Variants in LRBA observed in about 807,000 individuals in gnomAD.
The protein encoded by LRBA is lipopolysaccharide-responsive and beige-like anchor protein.
Under a neutral mutation model 330.0 loss-of-function variants are expected in LRBA, and 176 were observed. That is an observed-to-expected ratio of 0.53 (90% confidence interval 0.47 to 0.60). LRBA has a LOEUF of 0.60. Ranked by LOEUF, LRBA falls within the 20% of genes least tolerant of loss-of-function variation. LRBA has a pLI of 0.00. For synonymous variants in LRBA, 1,230 were observed against 1,193.0 expected (o/e 1.03, Z -0.64); for missense variants, 3,259 against 3,444.8 (o/e 0.95, Z 1.35).
intron 48 of LRBA, among the ~76,000 whole-genome samples, chr4:150,344,572 A>C (rs1212791889): frequency 6.6e-6 from 1 of 152,146 alleles, no homozygotes; most frequent in East Asian, 1.9e-4. Context: ...TAAAAGTATT[A>C]TTTTTTAAAG....
chr4:150,539,442 T>C (rs1192796522), intron 40 of LRBA, among the ~76,000 whole-genome samples: 2 of 152,230 alleles, frequency 1.3e-5, no homozygotes, highest in African/African-American at 2.4e-5. Flanking sequence ...TGTGTGTTTA[T>C]ATTACTTTCC....
intron 46 of LRBA, among the ~76,000 whole-genome samples, chr4:150,416,098 G>C (rs541820982): frequency 6.6e-6 from 1 of 152,272 alleles, no homozygotes; most frequent in Non-Finnish European, 1.5e-5. Flanking sequence ...AAACGGTCAA[G>C]TTTAAAGATA....
chr4:150,377,285 A>G (rs978991594), intron 47 of LRBA, among the ~76,000 whole-genome samples: 1 of 152,222 alleles, frequency 6.6e-6, no homozygotes, highest in African/African-American at 2.4e-5. Context: ...CTACACAGAA[A>G]CTGGACCTAG....
chr4:150,527,326 G>A (rs1447290696), intron 40 of LRBA, among the ~76,000 whole-genome samples: 2 of 152,082 alleles, frequency 1.3e-5, no homozygotes, highest in African/African-American at 4.8e-5. Context: ...GCTGAACCAA[G>A]GACATAATTT....
At chr4:150,828,693 G>C in intron 29 of LRBA, 72 bp from the exon 30 acceptor site, 1 of 1,263,816 alleles carries the variant, frequency 7.9e-7, no homozygotes, top group Non-Finnish European at 1.1e-6. Flanking sequence ...GGTATATTCT[G>C]TTTTAATAGC....
intron 34 of LRBA, among the ~76,000 whole-genome samples, chr4:150,777,519 T>G (rs867781097): frequency 1.3e-5 from 2 of 152,190 alleles, no homozygotes; most frequent in Admixed American, 6.5e-5. Context: ...ATCTATGCCC[T>G]TGTAAAACGA....
chr4:150,602,440 A>G (rs1382846796), intron 37 of LRBA, among the ~76,000 whole-genome samples: 1 of 152,182 alleles, frequency 6.6e-6, no homozygotes, highest in Non-Finnish European at 1.5e-5. Context: ...ATTTAAAGTC[A>G]TTTAAATATA....
chr4:150,450,686 A>G (rs778534988), intron 44 of LRBA, among the ~76,000 whole-genome samples: 6 of 152,186 alleles, frequency 3.9e-5, no homozygotes, highest in Non-Finnish European at 8.8e-5. Flanking sequence ...TGGAAACAAA[A>G]TTCAACCCAT....
rs533428638 is a variant in LRBA at position 150,749,605 on chromosome 4, T to A, written c.5645+12178A>T. Among the ~76,000 whole-genome samples the A allele has an allele frequency of 4.2e-3, 632 of 151,246 alleles. 5 individuals are homozygous for A. The highest frequency in any genetic ancestry group is 0.014 in the African/African-American group (586 of 41,124). On this transcript the variant is annotated intron_variant, in intron 35 of 56. Coordinates refer to ENST00000651943, the MANE Select transcript of LRBA (RefSeq NM_001364905.1). The stretch of plus-strand genomic sequence containing the variant: ...TCCCTATCTCTACCCAAAAAAAAAA[T>A]AATAATAATAGCTGGGCATGGTGGC...
At chr4:150,552,734 C>A (rs1766762551) in intron 40 of LRBA, among the ~76,000 whole-genome samples, 1 of 152,110 alleles carries the variant, frequency 6.6e-6, no homozygotes, top group Non-Finnish European at 1.5e-5. Context: ...ATAGTAAAGA[C>A]TTGGAACCAA....
chr4:150,559,619 AT>A (rs1327167098), intron 40 of LRBA, among the ~76,000 whole-genome samples: 3 of 97,094 alleles, frequency 3.1e-5, no homozygotes, highest in African/African-American at 1.2e-4. Context: ...TATATATTGT[AT>A]TATTTTATAA....
At chr4:150,521,644 T>C (rs1156584246) in intron 40 of LRBA, among the ~76,000 whole-genome samples, 1 of 152,228 alleles carries the variant, frequency 6.6e-6, no homozygotes, top group Non-Finnish European at 1.5e-5. Flanking sequence ...TTTGAAATAT[T>C]TGGGATTTCC....
intron 22 of LRBA, among the ~76,000 whole-genome samples, chr4:150,858,309 T>C (rs1277692944): frequency 6.6e-6 from 1 of 151,876 alleles, no homozygotes; most frequent in Non-Finnish European, 1.5e-5. Flanking sequence ...GTGTGTTATA[T>C]ATAATGGCAC....
chr4:150,896,540 G>C (rs955399165), intron 15 of LRBA, 84 bp from the exon 16 acceptor site: 2 of 702,266 alleles, frequency 2.8e-6, no homozygotes, highest in African/African-American at 3.7e-5. Context: ...TTGTCAAGTT[G>C]GTCAGCTACT....
chr4:150,732,015 A>G (rs768166522), intron 36 of LRBA, among the ~76,000 whole-genome samples: 21 of 152,106 alleles, frequency 1.4e-4, no homozygotes, highest in Admixed American at 3.3e-4. Context: ...AATAATAAAA[A>G]ATCAATGACA....
At chr4:150,971,810 T>TA (rs1411878891) in intron 2 of LRBA, among the ~76,000 whole-genome samples, 3 of 152,076 alleles carry the variant, frequency 2.0e-5, no homozygotes, top group Non-Finnish European at 2.9e-5. Flanking sequence ...TCACATGCTA[T>TA]AAAAAACAGG....
At chr4:150,396,664 G>A (rs978347904) in intron 47 of LRBA, among the ~76,000 whole-genome samples, 15 of 151,882 alleles carry the variant, frequency 9.9e-5, no homozygotes, top group African/African-American at 3.4e-4. Context: ...AGTAGAATAC[G>A]AATGTATTGG....
intron 37 of LRBA, among the ~76,000 whole-genome samples, chr4:150,658,511 C>G (rs1198344804): frequency 0.062 from 25 of 400 alleles, no homozygotes; most frequent in South Asian, 0.33. Context: ...AAAAGTCTCC[C>G]TCTCCCTCTC....
chr4:150,846,327 G>A (rs962637695), intron 26 of LRBA, among the ~76,000 whole-genome samples: 5 of 151,996 alleles, frequency 3.3e-5, no homozygotes, highest in African/African-American at 9.7e-5. Context: ...TCAGGAGATC[G>A]AGACCATGCT....
Sources: gnomAD v4.1 joint callset for allele counts (sites outside exome capture counted in the v4.1 genomes callset) on GRCh38, gnomAD v4.1.1 for gene constraint, MANE v1.5 for transcripts, NCBI Gene and HGNC (gene_info 2026-07-23, HGNC 2026-07-21) for gene names.